The following ROR1 variants were observed in gnomAD, a reference collection of about 807,000 sequenced individuals.
The protein encoded by ROR1 is ROR family WNT receptor 1.
In ROR1, 19 loss-of-function variants were observed where a neutral mutation model predicts 78.8. The observed-to-expected ratio is 0.24, with a 90% confidence interval of 0.17 to 0.35. ROR1 has a LOEUF of 0.35. ROR1 is among the 10% of genes least tolerant of loss of function. ROR1 has a pLI of 1.00. For synonymous variants in ROR1, 386 were observed against 433.6 expected, an observed-to-expected ratio of 0.89 and a Z score of 1.36; for missense variants, 917 against 1,177.8, an observed-to-expected ratio of 0.78 and a Z score of 3.24.
At chr1:63,794,366 C>T (rs1393860034) in intron 1 of ROR1, among the ~76,000 whole-genome samples, 1 of 152,168 alleles carries the variant, frequency 6.6e-6, no homozygotes, top group Non-Finnish European at 1.5e-5. Context: ...TGACCATGTT[C>T]CAGGTGAGGA....
At chr1:64,083,670 GGAGGGGTTA>G (rs1557643472) in intron 4 of ROR1, among the ~76,000 whole-genome samples, 5 of 151,908 alleles carry the variant, frequency 3.3e-5, no homozygotes. Context: ...GAGGCCAGAG[GGAGGGGTTA>G]GATTTTAAAC....
chr1:63,980,514 A>G (rs969953558), intron 1 of ROR1, among the ~76,000 whole-genome samples: 8 of 152,248 alleles, frequency 5.3e-5, no homozygotes, highest in Non-Finnish European at 8.8e-5. Context: ...CTTACTTTAG[A>G]AAAGTACTAC....
intron 1 of ROR1, among the ~76,000 whole-genome samples, chr1:63,933,992 G>C (rs1645774532): frequency 6.6e-6 from 1 of 152,224 alleles, no homozygotes; most frequent in African/African-American, 2.4e-5. Flanking sequence ...AGGCTTGGGA[G>C]CTGGGCTCTG....
intron 4 of ROR1, among the ~76,000 whole-genome samples, chr1:64,059,330 G>A (rs961859605): frequency 1.1e-4 from 17 of 152,052 alleles, no homozygotes; most frequent in Non-Finnish European, 1.8e-4. Context: ...CTCTGATGTT[G>A]CTGTGTGTTG....
intron 1 of ROR1, among the ~76,000 whole-genome samples, chr1:63,959,799 A>G (rs1646013518): frequency 6.6e-6 from 1 of 152,066 alleles, no homozygotes; most frequent in African/African-American, 2.4e-5. Flanking sequence ...CTTACCCTCC[A>G]GCTGTGCCAA....
chr1:64,137,501 G>T lies in ROR1; in HGVS notation c.610+5G>T, dbSNP rs1287399844. 1 of 1,608,338 alleles carries T rather than the reference G, an allele frequency of 6.2e-7. No individual in the cohort carries two copies. The highest frequency in any genetic ancestry group is 1.1e-5 in the South Asian group (1 of 89,890). On this transcript the variant is annotated splice_donor_5th_base_variant and intron_variant, in intron 5 of 8. Transcript: ENST00000371079. Reference sequence around the variant, plus strand: ...AAATAGAAAATCAGATCACAGGTAGGTAGCACCAATGAAATTATATTTGTC... The same window carrying T: ...AAATAGAAAATCAGATCACAGGTAGTTAGCACCAATGAAATTATATTTGTC...
chr1:63,951,463 G>A (rs553095641), intron 1 of ROR1, among the ~76,000 whole-genome samples: 2 of 152,160 alleles, frequency 1.3e-5, no homozygotes, highest in Non-Finnish European at 2.9e-5. Flanking sequence ...TAAAAGAGGG[G>A]GGCTGGGGAG....
intron 4 of ROR1, among the ~76,000 whole-genome samples, chr1:64,092,670 A>G (rs1025988175): frequency 3.9e-5 from 6 of 152,210 alleles, no homozygotes; most frequent in African/African-American, 7.2e-5. Context: ...CTACTCCAAA[A>G]AAGTTTGAAA....
At chr1:63,955,476 CA>C (rs1645973624) in intron 1 of ROR1, among the ~76,000 whole-genome samples, 1 of 152,018 alleles carries the variant, frequency 6.6e-6, no homozygotes, top group Non-Finnish European at 1.5e-5. Flanking sequence ...TTTTTAAGAA[CA>C]GATAAGTTAT....
At chr1:63,923,946 C>G (rs1645678181) in intron 1 of ROR1, among the ~76,000 whole-genome samples, 1 of 151,884 alleles carries the variant, frequency 6.6e-6, no homozygotes, top group African/African-American at 2.4e-5. Flanking sequence ...GCTGTTTGTC[C>G]CCTTTGCCTG....
chr1:63,861,910 G>A (rs1645184675), intron 1 of ROR1, among the ~76,000 whole-genome samples: 1 of 151,876 alleles, frequency 6.6e-6, no homozygotes, highest in South Asian at 2.1e-4. Flanking sequence ...ACAAGTCTAG[G>A]GTTGATTTTA....
At chr1:63,994,100 A>T (rs949479600) in intron 1 of ROR1, among the ~76,000 whole-genome samples, 5 of 152,162 alleles carry the variant, frequency 3.3e-5, no homozygotes, top group African/African-American at 1.2e-4. Flanking sequence ...TTATATTATC[A>T]GTCAGGTTAT....
chr1:64,153,426 T>G (rs931546311), intron 7 of ROR1, among the ~76,000 whole-genome samples: 13 of 152,170 alleles, frequency 8.5e-5, no homozygotes, highest in Non-Finnish European at 1.3e-4. Flanking sequence ...AGAATTGAAG[T>G]CGGGGTCTCA....
intron 1 of ROR1, among the ~76,000 whole-genome samples, chr1:63,948,788 G>A (rs1467198224): frequency 2.6e-5 from 4 of 152,164 alleles, no homozygotes; most frequent in East Asian, 3.8e-4. Context: ...TCTGCCATGA[G>A]ATTTACAGCA....
At chr1:64,069,664 C>T (rs1235335749) in intron 4 of ROR1, among the ~76,000 whole-genome samples, 1 of 152,146 alleles carries the variant, frequency 6.6e-6, no homozygotes, top group Non-Finnish European at 1.5e-5. Context: ...AATTTTGAAA[C>T]AGCCCACCAC....
At chr1:64,121,174 CCCTT>C (rs936511386) in intron 4 of ROR1, among the ~76,000 whole-genome samples, 1 of 146,034 alleles carries the variant, frequency 6.8e-6, no homozygotes, top group African/African-American at 2.6e-5. Flanking sequence ...CCCTGTCCCT[CCCTT>C]CCTTCCTTTC....
chr1:64,093,534 C>G (rs192111489), intron 4 of ROR1, among the ~76,000 whole-genome samples: 2 of 152,144 alleles, frequency 1.3e-5, no homozygotes, highest in East Asian at 3.9e-4. Context: ...AGAAATTCTA[C>G]CAAATGGTAC....
intron 1 of ROR1, among the ~76,000 whole-genome samples, chr1:63,963,418 A>G (rs1327069194): frequency 2.0e-5 from 3 of 152,010 alleles, no homozygotes. Context: ...AAAATACAAA[A>G]ATTAGCCAGG....
At chr1:64,028,777 C>A (rs1290996497) in intron 2 of ROR1, 3 of 152,082 alleles carry the variant, frequency 2.0e-5, no homozygotes, top group African/African-American at 7.2e-5. Context: ...AGCATTTATC[C>A]TTTGTGTTAC....
Sources: allele counts gnomAD v4.1 joint callset (sites outside exome capture counted in the v4.1 genomes callset), GRCh38; gene constraint gnomAD v4.1.1; transcripts MANE v1.5; gene names NCBI Gene and HGNC (gene_info 2026-07-23, HGNC 2026-07-21).